The following STAU1 variants were observed in gnomAD, a reference collection of about 807,000 sequenced individuals.
STAU1 encodes the protein staufen double-stranded RNA binding protein 1, also known as double-stranded RNA-binding protein Staufen homolog 1.
In STAU1, 13 loss-of-function variants were observed where a neutral mutation model predicts 62.9. The observed-to-expected ratio is 0.21, with a 90% CI of 0.13 to 0.33. STAU1 has a LOEUF of 0.33. Among genes scored for constraint, STAU1 ranks in the 10% least tolerant of loss-of-function variants. STAU1 has a pLI of 1.00. For synonymous variants in STAU1, 269 were observed against 265.1 expected (o/e 1.01, Z -0.14); for missense variants, 571 against 712.1 (o/e 0.80, Z 2.25).
chr20:49,181,763 C>CAAAAAAAAAAAAAA (rs1309573018), intron 1 of STAU1, among the ~76,000 whole-genome samples: 3 of 66,708 alleles, frequency 4.5e-5, no homozygotes, highest in Non-Finnish European at 5.6e-5. Context: ...AAGACTATCT[C>CAAAAAAAAAAAAAA]AACAAAAAAA....
At chr20:49,115,744 C>T in intron 13 of STAU1, 38 bp downstream of exon 13, 1 of 1,541,822 alleles carries the variant, frequency 6.5e-7, no homozygotes, top group Non-Finnish European at 9.0e-7. Context: ...GGGCAGCCTC[C>T]CCATCATCAG....
chr20:49,154,437 C>T (rs1033481724), intron 3 of STAU1, among the ~76,000 whole-genome samples: 7 of 152,216 alleles, frequency 4.6e-5, no homozygotes, highest in Non-Finnish European at 7.3e-5. Context: ...TTTGAGAATA[C>T]TTAATCAATA....
the STAU1 span, among the ~76,000 whole-genome samples, chr20:49,202,343 C>T: frequency 6.6e-6 from 1 of 152,048 alleles, no homozygotes; most frequent in Non-Finnish European, 1.5e-5. Flanking sequence ...GGGCAGATCT[C>T]TTGAGGTCGG....
At chr20:49,145,975 C>A (rs1286569121) in intron 5 of STAU1, among the ~76,000 whole-genome samples, 1 of 151,952 alleles carries the variant, frequency 6.6e-6, no homozygotes, top group Non-Finnish European at 1.5e-5. Flanking sequence ...GGGTTAAAGT[C>A]TCCAATTTCA....
At chr20:49,137,021 T>C (rs2092900448) in intron 5 of STAU1, among the ~76,000 whole-genome samples, 1 of 152,060 alleles carries the variant, frequency 6.6e-6, no homozygotes, top group Non-Finnish European at 1.5e-5. Flanking sequence ...AATGCAGCCA[T>C]GCGCATGGCA....
At chr20:49,192,849 A>G (rs2093832961), upstream of STAU1, among the ~76,000 whole-genome samples, 1 of 152,202 alleles carries the variant, frequency 6.6e-6, no homozygotes, top group South Asian at 2.1e-4. Context: ...GAAAAATAAC[A>G]AACAGGATTT....
the STAU1 span, among the ~76,000 whole-genome samples, chr20:49,211,358 T>C: frequency 6.6e-6 from 1 of 150,832 alleles, no homozygotes; most frequent in Non-Finnish European, 1.5e-5. Flanking sequence ...TGCTGGTTCA[T>C]ATAGTAATTC....
the STAU1 span, among the ~76,000 whole-genome samples, chr20:49,216,459 C>T: frequency 2.6e-5 from 4 of 151,862 alleles, no homozygotes; most frequent in African/African-American, 7.3e-5. Flanking sequence ...ACCCAGGAGG[C>T]AGAGGTTGCA....
At chr20:49,155,633 T>G (rs544986028) in intron 3 of STAU1, among the ~76,000 whole-genome samples, 1 of 152,178 alleles carries the variant, frequency 6.6e-6, no homozygotes, top group Non-Finnish European at 1.5e-5. Context: ...TCAACTAAAT[T>G]TAATGCATGA....
rs771633341 is a variant in STAU1, at chr20:49,115,762, C to T, written c.1718+20G>A. On this transcript the variant is annotated intron_variant, in intron 13 of 13. Transcript: ENST00000371856. Reference sequence around the variant, plus strand: ...CAGCCTCCCCATCATCAGCGCCTTCCCCTTCATCAGTGCACTCACACAGAC... The same window carrying T: ...CAGCCTCCCCATCATCAGCGCCTTCTCCTTCATCAGTGCACTCACACAGAC... 1.9e-6 allele frequency: 3 copies of T among 1,607,520 alleles called. No homozygotes were observed. In the South Asian group the frequency reaches 3.3e-5, roughly 18 times the overall value.
intron 5 of STAU1, among the ~76,000 whole-genome samples, chr20:49,136,660 C>T (rs2092891026): frequency 1.3e-5 from 2 of 152,022 alleles, no homozygotes; most frequent in African/African-American, 4.8e-5. Context: ...AGTCTGTCCA[C>T]ATGAGTATGC....
chr20:49,196,497 C>T, the STAU1 span, among the ~76,000 whole-genome samples: 1 of 136,620 alleles, frequency 7.3e-6, no homozygotes, highest in East Asian at 2.3e-4. Flanking sequence ...AAAGAAATAG[C>T]AACATGAGGC....
At chr20:49,132,669 G>A (rs1386125805) in intron 6 of STAU1, among the ~76,000 whole-genome samples, 1 of 152,184 alleles carries the variant, frequency 6.6e-6, no homozygotes, top group African/African-American at 2.4e-5. Context: ...TGAGGCAGGA[G>A]AATTGCTTGA....
the STAU1 span, among the ~76,000 whole-genome samples, chr20:49,218,377 A>C: frequency 6.6e-6 from 1 of 151,400 alleles, no homozygotes; most frequent in Non-Finnish European, 1.5e-5. Context: ...GGCGCCCGCC[A>C]CCACGCCCGG....
chr20:49,148,924 T>C (rs969475347), intron 5 of STAU1, among the ~76,000 whole-genome samples: 1 of 152,130 alleles, frequency 6.6e-6, no homozygotes, highest in Non-Finnish European at 1.5e-5. Context: ...TCCCCAACCT[T>C]GACCATACCT....
At chr20:49,216,957 C>A in the STAU1 span, among the ~76,000 whole-genome samples, 1 of 152,144 alleles carries the variant, frequency 6.6e-6, no homozygotes, top group Non-Finnish European at 1.5e-5. Flanking sequence ...TTGGCCCCAT[C>A]AAATAAAGAG....
Position 49,139,287 on chromosome 20 carries a change from G to A in STAU1, c.511-3356C>T, listed in dbSNP as rs567715820. Among the ~76,000 whole-genome samples, 43 of 152,288 alleles carry A rather than the reference G, an allele frequency of 2.8e-4. 1 individual carries two copies. The South Asian group carries it at 8.9e-3, about 32-fold the overall frequency. Reference sequence around the variant, plus strand: ...CATCAAAGGACACTATCAAGAGAGTGAAGAAAACCCACAGAATGGGATTTG... The same window carrying A: ...CATCAAAGGACACTATCAAGAGAGTAAAGAAAACCCACAGAATGGGATTTG... On this transcript the variant is annotated intron_variant, in intron 5 of 13. Coordinates refer to ENST00000371856, the MANE Select transcript of STAU1 (RefSeq NM_017453.4).
At chr20:49,197,062 G>C in the STAU1 span, among the ~76,000 whole-genome samples, 1 of 151,910 alleles carries the variant, frequency 6.6e-6, no homozygotes, top group African/African-American at 2.4e-5. Flanking sequence ...GGCTGAGGCA[G>C]GAGAATAGCT....
chr20:49,123,480 A>G (rs2145876906), intron 7 of STAU1, among the ~76,000 whole-genome samples: 1 of 152,342 alleles, frequency 6.6e-6, no homozygotes, highest in Middle Eastern at 3.4e-3. Flanking sequence ...CGTCACTATG[A>G]CTGCGACGGC....
Sources: allele counts gnomAD v4.1 joint callset (sites outside exome capture counted in the v4.1 genomes callset), GRCh38; gene constraint gnomAD v4.1.1; transcripts MANE v1.5; gene names NCBI Gene and HGNC (gene_info 2026-07-23, HGNC 2026-07-21).